Variants in CPS1 observed in about 807,000 individuals in gnomAD.
CPS1 encodes carbamoyl-phosphate synthase [ammonia], mitochondrial.
CPS1 carries 109 observed loss-of-function variants against 174.6 expected under a neutral mutation model. The ratio of observed to expected loss-of-function variants is 0.62; its 90% confidence interval spans 0.53 to 0.73. The LOEUF (loss-of-function observed/expected upper bound fraction) is 0.73. Among genes scored for constraint, CPS1 ranks in the 30% least tolerant of loss-of-function variants. The pLI is 0.00. For synonymous variants in CPS1, 637 were observed against 632.0 expected (o/e 1.01, Z -0.12); for missense variants, 1,689 against 1,821.9 (o/e 0.93, Z 1.33).
At chr2:210,576,103 G>A (rs186079146) in intron 2 of CPS1, among the ~76,000 whole-genome samples, 3 of 151,912 alleles carry the variant, frequency 2.0e-5, no homozygotes, top group Admixed American at 6.6e-5. Flanking sequence ...GAAATTGAGG[G>A]AATAAAACTT....
intron 1 of CPS1, among the ~76,000 whole-genome samples, chr2:210,484,367 T>C (rs1694658146): frequency 6.6e-6 from 1 of 152,158 alleles, no homozygotes; most frequent in Admixed American, 6.5e-5. Context: ...ACAGTGGTCT[T>C]AGAACTTCTT....
At chr2:210,538,881 A>G (rs140583997) in intron 1 of CPS1, among the ~76,000 whole-genome samples, 3 of 152,254 alleles carry the variant, frequency 2.0e-5, no homozygotes, top group South Asian at 2.1e-4. Context: ...AGATCTTCCT[A>G]TGGGAAAAAA....
At chr2:210,534,588 T>G (rs1324553299) in intron 1 of CPS1, among the ~76,000 whole-genome samples, 4 of 152,198 alleles carry the variant, frequency 2.6e-5, no homozygotes, top group Admixed American at 6.5e-5. Flanking sequence ...TCTCAGTGAA[T>G]CTACTTGACA....
chr2:210,508,091 C>T (rs1695340440), intron 1 of CPS1, among the ~76,000 whole-genome samples: 1 of 151,312 alleles, frequency 6.6e-6, no homozygotes, highest in Admixed American at 6.6e-5. Context: ...TTCAGCACCA[C>T]ACCACACCTA....
At chr2:210,551,033 A>G (rs544315172) in intron 1 of CPS1, among the ~76,000 whole-genome samples, 78 of 152,068 alleles carry the variant, frequency 5.1e-4, no homozygotes, top group Non-Finnish European at 7.8e-4. Context: ...ACAGCTTAAC[A>G]TGATTAACTT....
At chr2:210,592,503 G>A (rs1698341464) in intron 10 of CPS1, among the ~76,000 whole-genome samples, 3 of 151,978 alleles carry the variant, frequency 2.0e-5, no homozygotes, top group East Asian at 1.9e-4. Flanking sequence ...TGGCACTGGT[G>A]TAGTGTTTGA....
Position 210,640,032 on chromosome 2 carries a change from G to T in CPS1, c.2932G>T (p.Val978Leu), listed in dbSNP as rs779342929. Residue 978 changes from valine to leucine, a missense_variant, in exon 24 of 38, where the codon GTG (valine) becomes TTG (leucine). Physicochemically the swap from Val to Leu is conservative, Grantham distance 32. Transcript: ENST00000233072. ...DVNFDDHGMM[V>L]LGCGPYHIGS... ...CAATTTTGATGACCATGGAATGATG[G>T]TGCTAGGCTGTGGTCCATATCACAT... 1 of 1,610,824 alleles carries T rather than the reference G, an allele frequency of 6.2e-7. No individual in the cohort carries two copies. Among genetic ancestry groups the T allele is most frequent in the Non-Finnish European group, 8.5e-7 (1 of 1,177,576 alleles).
rs779447126 is a variant in CPS1 at position 210,594,576 on chromosome 2, G to A, written c.1233G>A (p.Pro411=). The A allele has an allele frequency of 8.1e-6, 13 of 1,611,036 alleles. 1 individual carries two copies. The highest frequency in any genetic ancestry group is 2.7e-5 in the African/African-American group (2 of 74,714). ...CTACCACCATTACATCAGTCTTACC[G>A]AAGCCAGCACTAGTTGCATCTCGGG... The part of the protein sequence containing the change: ...GKATTITSVL[P]KPALVASRVE... The change falls in exon 12 of 38, where the codon CCG becomes CCA. Residue 411 remains proline (P), a synonymous_variant. Coordinates refer to ENST00000233072, the MANE Select transcript of CPS1 (RefSeq NM_001875.5).
chr2:210,582,476 A>C (rs1697955011), intron 5 of CPS1, 141 bp from the exon 6 acceptor site: 1 of 701,698 alleles, frequency 1.4e-6, no homozygotes. Context: ...GTTTGAGAAG[A>C]TGAAGATCTT....
chr2:210,612,221 AT>A lies in CPS1; in HGVS notation c.2497del (p.Trp833GlyfsTer5). On this transcript the variant is annotated frameshift_variant, in exon 20 of 38. Transcript: ENST00000233072. LOFTEE classifies it high-confidence loss of function. ...CTCCCCGTCTCCCAATGAACAAAGAATGGCCATCTAATTTAGATCTTAGAAA... is the reference window on the plus strand; with the variant it reads ...CTCCCCGTCTCCCAATGAACAAAGAAGGCCATCTAATTTAGATCTTAGAAA... ...FTPRLPMNKE[W>X]PSNLDLRKEL... 6.2e-7 allele frequency: 1 copy of A among 1,612,266 alleles called. No homozygotes were observed. Among genetic ancestry groups the A allele is most frequent in the Admixed American group, 1.7e-5 (1 of 59,830 alleles).
At chr2:210,649,314 A>G (rs1241366191) in intron 27 of CPS1, among the ~76,000 whole-genome samples, 5 of 152,236 alleles carry the variant, frequency 3.3e-5, no homozygotes, top group African/African-American at 9.6e-5. Flanking sequence ...TAATTTAAAC[A>G]TGCACACATT....
chr2:210,656,421 C>T (rs553821835), intron 29 of CPS1, 104 bp from the exon 30 acceptor site: 67 of 775,336 alleles, frequency 8.6e-5, no homozygotes, highest in Non-Finnish European at 1.5e-4. Context: ...CTACTTAGTG[C>T]TCAGTGCATC....
At chr2:210,589,985 T>G in intron 7 of CPS1, 121 bp from the exon 8 acceptor site, 1 of 1,363,936 alleles carries the variant, frequency 7.3e-7, no homozygotes, top group Non-Finnish European at 1.0e-6. Flanking sequence ...TTATTTATTT[T>G]AAATGTTTAC....
At chr2:210,628,520 A>T (rs182409806) in intron 21 of CPS1, among the ~76,000 whole-genome samples, 1 of 152,350 alleles carries the variant, frequency 6.6e-6, no homozygotes, top group East Asian at 1.9e-4. Flanking sequence ...GGAAAAAAAT[A>T]AGCAGTAGTT....
Position 210,502,514 on chromosome 2 carries a change from T to C in CPS1, c.3+24748T>C, listed in dbSNP as rs543290016. Among the ~76,000 whole-genome samples, 19 of 148,482 alleles carry C rather than the reference T, an allele frequency of 1.3e-4. No individual in the cohort carries two copies. The South Asian group carries it at 3.8e-3, about 29-fold the overall frequency. ...TATAAATATAGAGATATATTTTTTATATATATATACACACATATATACATA... is the reference window on the plus strand; with the variant it reads ...TATAAATATAGAGATATATTTTTTACATATATATACACACATATATACATA... On this transcript the variant is annotated intron_variant, in intron 1 of 38. Coordinates refer to the CPS1 transcript ENST00000430249.
intron 3 of CPS1, 42 bp downstream of exon 3, chr2:210,576,532 G>T: frequency 6.2e-7 from 1 of 1,609,956 alleles, no homozygotes; most frequent in African/African-American, 1.3e-5. Context: ...CAATTTGAGG[G>T]AGTATAGTTG....
Position 210,602,218 on chromosome 2 carries a change from A to G in CPS1, c.1724A>G (p.Lys575Arg), listed in dbSNP as rs751733187. 2 of 1,612,398 alleles carry G rather than the reference A, an allele frequency of 1.2e-6. No individual in the cohort carries two copies. Among genetic ancestry groups the G allele is most frequent in the South Asian group, 2.2e-5 (2 of 91,070 alleles). The stretch of plus-strand genomic sequence containing the variant: ...TGTTGACAGATTGAGGATGCACTGA[A>G]GGCAGCAGACACCATTGGCTACCCA... ...FAVESIEDAL[K>R]AADTIGYPVM... is the part of the protein sequence containing the mutation. Residue 575 changes from lysine to arginine, a missense_variant, in exon 16 of 38, where the codon AAG becomes AGG. Lys to Arg is a conservative substitution (Grantham distance 26, BLOSUM62 2). Coordinates refer to ENST00000233072, the MANE Select transcript of CPS1 (RefSeq NM_001875.5).
intron 21 of CPS1, among the ~76,000 whole-genome samples, chr2:210,629,283 A>G (rs548273533): frequency 3.2e-4 from 48 of 152,324 alleles, no homozygotes; most frequent in African/African-American, 1.1e-3. Context: ...AATTGGCTCA[A>G]GCAAAAGCTA....
intron 1 of CPS1, 100 bp from the exon 2 acceptor site, chr2:210,573,198 C>T (rs1697573706): frequency 1.1e-5 from 11 of 1,013,562 alleles, no homozygotes; most frequent in Non-Finnish European, 1.7e-5. Flanking sequence ...ATTAAATATA[C>T]TGTGCCTTTA....
Sources: gnomAD v4.1 joint callset for allele counts (sites outside exome capture counted in the v4.1 genomes callset) on GRCh38, gnomAD v4.1.1 for gene constraint, MANE v1.5 for transcripts, NCBI Gene and HGNC (gene_info 2026-07-23, HGNC 2026-07-21) for gene names.